The following CGAS variants were observed in gnomAD, a reference collection of about 807,000 sequenced individuals.
CGAS encodes cyclic GMP-AMP synthase, also known as 2'3'-cGAMP synthase.
Under a neutral mutation model 34.0 loss-of-function variants are expected in CGAS, and 31 were observed. That is an observed-to-expected ratio of 0.91 (90% confidence interval 0.69 to 1.23). The LOEUF (loss-of-function observed/expected upper bound fraction) is 1.23. Ranked by LOEUF, CGAS falls within the 50% of genes most tolerant of loss-of-function variation. The pLI is 0.00. For missense variants in CGAS, 597 were observed against 657.6 expected, an observed-to-expected ratio of 0.91 and a Z score of 1.01; for synonymous variants, 266 against 260.0, an observed-to-expected ratio of 1.02 and a Z score of -0.22.
chr6:73,449,510 A>ACACACACAC (rs1562295259), intron 1 of CGAS, among the ~76,000 whole-genome samples: 2 of 43,812 alleles, frequency 4.6e-5, no homozygotes, highest in African/African-American at 1.3e-4. Flanking sequence ...CACACACACA[A>ACACACACAC]AGTGGTTCTG....
chr6:73,452,113 G>T lies in CGAS; in HGVS notation c.69C>A (p.Ser23=), dbSNP rs367698486. The change falls in exon 1 of 5, where the codon TCC becomes TCA. Residue 23 remains serine (S), a synonymous_variant. Coordinates refer to ENST00000370315, the MANE Select transcript of CGAS (RefSeq NM_138441.3). The part of the protein sequence containing the change: ...SEAGATAPKA[S]ARNARGAPMD... ...TCGGGGCGCCCCTGGCATTCCGTGC[G>T]GAAGCCTTGGGGGCAGTGGCTCCGG... is the stretch of plus-strand genomic sequence containing the variant. The T allele has an allele frequency of 6.2e-7, 1 of 1,600,922 alleles. No individual in the cohort carries two copies. Among genetic ancestry groups the T allele is most frequent in the Non-Finnish European group, 8.5e-7 (1 of 1,174,388 alleles).
chr6:73,430,111 A>C (rs1770169537), intron 3 of CGAS, among the ~76,000 whole-genome samples: 1 of 152,110 alleles, frequency 6.6e-6, no homozygotes, highest in African/African-American at 2.4e-5. Context: ...ATTCCATAAA[A>C]GGTAGATTTT....
intron 4 of CGAS, among the ~76,000 whole-genome samples, chr6:73,426,629 C>T (rs1429932359): frequency 4.0e-5 from 6 of 151,188 alleles, no homozygotes; most frequent in Non-Finnish European, 5.9e-5. Context: ...CCCCCTCAAG[C>T]GATCCAAAAT....
At chr6:73,426,311 T>TAATAA (rs1486904126) in intron 4 of CGAS, among the ~76,000 whole-genome samples, 3 of 142,746 alleles carry the variant, frequency 2.1e-5, no homozygotes, top group Non-Finnish European at 3.1e-5. Context: ...TAAAATAAAA[T>TAATAA]AATAAAATAA....
chr6:73,438,022 T>C (rs892306442), intron 3 of CGAS, among the ~76,000 whole-genome samples: 9 of 152,114 alleles, frequency 5.9e-5, no homozygotes, highest in African/African-American at 1.9e-4. Flanking sequence ...TGAGCCAAGA[T>C]TGCACCACTG....
chr6:73,425,700 G>A (rs748280229), intron 4 of CGAS, 122 bp from the exon 5 acceptor site: 12 of 648,234 alleles, frequency 1.9e-5, no homozygotes, highest in East Asian at 8.9e-5. Flanking sequence ...TAGGCCGGGC[G>A]TGGTGACACA....
chr6:73,437,745 G>T (rs1770301955), intron 3 of CGAS, among the ~76,000 whole-genome samples: 1 of 151,964 alleles, frequency 6.6e-6, no homozygotes, highest in Non-Finnish European at 1.5e-5. Flanking sequence ...TTTGCAACAG[G>T]TAAATTTTTA....
At position 73,425,045 on chromosome 6, in the gene CGAS, A is replaced by C. The variant is rs761132492; in HGVS notation, c.*182T>G. 2.4e-6 allele frequency: 1 copy of C among 423,788 alleles called. No individual in the cohort carries two copies. The highest frequency in any genetic ancestry group is 4.2e-6 in the Non-Finnish European group (1 of 239,720). The allele number at this position is 423,788 out of a possible 1,614,324, so 26.3% of individuals were successfully genotyped here. A position where few individuals can be genotyped will look rare whatever the true frequency, so the allele number is the denominator to read the frequency against. On this transcript the variant is annotated 3_prime_UTR_variant, in exon 5 of 5. Coordinates refer to ENST00000370315, the MANE Select transcript of CGAS (RefSeq NM_138441.3). ...ATTTTTATATTTTTAGTAGAGATGG[A>C]GTTTCACCATGTTGGTCAGGCTGGT...
At chr6:73,426,663 TAC>T (rs1770094521) in intron 4 of CGAS, among the ~76,000 whole-genome samples, 1 of 151,944 alleles carries the variant, frequency 6.6e-6, no homozygotes, top group African/African-American at 2.4e-5. Flanking sequence ...AAAATTATTT[TAC>T]TTTATTGAAC....
At chr6:73,451,393 G>A in intron 1 of CGAS, 132 bp downstream of exon 1, 1 of 1,044,214 alleles carries the variant, frequency 9.6e-7, no homozygotes, top group Non-Finnish European at 1.4e-6. Flanking sequence ...CTTAGACTAG[G>A]CTACCGAAAA....
At chr6:73,425,639 G>A in intron 4 of CGAS, 61 bp from the exon 5 acceptor site, 1 of 1,134,046 alleles carries the variant, frequency 8.8e-7, no homozygotes, top group Non-Finnish European at 1.3e-6. Flanking sequence ...AAGGATTTTA[G>A]GCATCTCATA....
In CGAS at chr6:73,452,223, G is replaced by T; in HGVS notation, c.-42C>A. On this transcript the variant is annotated 5_prime_UTR_variant, in exon 1 of 5. Coordinates refer to ENST00000370315, the MANE Select transcript of CGAS (RefSeq NM_138441.3). ...TCCCCGAAAGAAGAATCCGTTTCAG[G>T]AAAAGGCCGCAAGAGGAAGAGCCAG... 1 of 1,555,322 alleles carries T rather than the reference G, an allele frequency of 6.4e-7. No individual in the cohort carries two copies.
At position 73,434,574 on chromosome 6, in the gene CGAS, A is replaced by C. The variant is rs183296830; in HGVS notation, c.1114+5635T>G. Among the ~76,000 whole-genome samples, 17 of 152,322 alleles carry C rather than the reference A, an allele frequency of 1.1e-4. No homozygotes were observed. In the East Asian group the frequency reaches 3.3e-3, roughly 29 times the overall value. ...TAGCTTAAGGAGACATGACAACTAAATGCAATATGGTATCCTAAATGGGAT... is the reference window on the plus strand; with the variant it reads ...TAGCTTAAGGAGACATGACAACTAACTGCAATATGGTATCCTAAATGGGAT... On this transcript the variant is annotated intron_variant, in intron 3 of 4. Coordinates refer to ENST00000370315, the MANE Select transcript of CGAS (RefSeq NM_138441.3).
chr6:73,443,839 G>A (rs1770424421), intron 2 of CGAS, among the ~76,000 whole-genome samples: 1 of 152,106 alleles, frequency 6.6e-6, no homozygotes, highest in African/African-American at 2.4e-5. Context: ...TGGGGTGGTG[G>A]AGCCAAGCCC....
chr6:73,439,957 T>A, intron 3 of CGAS: 1 of 410,978 alleles, frequency 2.4e-6, no homozygotes, highest in Non-Finnish European at 4.4e-6. Flanking sequence ...ATACTGCTTT[T>A]CTTTACCGAA....
intron 3 of CGAS, among the ~76,000 whole-genome samples, chr6:73,430,955 A>C (rs1387197752): frequency 6.6e-6 from 1 of 152,008 alleles, no homozygotes; most frequent in African/African-American, 2.4e-5. Context: ...TACAAAAATT[A>C]GCCAGGCATT....
chr6:73,443,335 G>A (rs1339905619), intron 2 of CGAS, among the ~76,000 whole-genome samples: 3 of 150,794 alleles, frequency 2.0e-5, no homozygotes, highest in Non-Finnish European at 2.9e-5. Context: ...CGCCTTCTGG[G>A]TTCAAGAAAT....
intron 3 of CGAS, among the ~76,000 whole-genome samples, chr6:73,433,910 T>C (rs958617929): frequency 2.0e-5 from 3 of 152,222 alleles, no homozygotes; most frequent in Non-Finnish European, 4.4e-5. Context: ...CCCAAATTTA[T>C]CTATAGATTC....
chr6:73,434,133 G>T (rs1177945377), intron 3 of CGAS, among the ~76,000 whole-genome samples: 1 of 152,202 alleles, frequency 6.6e-6, no homozygotes, highest in Non-Finnish European at 1.5e-5. Context: ...ATTTTAATGG[G>T]ACAGAATAAA....
Sources: gnomAD v4.1 joint callset for allele counts (sites outside exome capture counted in the v4.1 genomes callset) on GRCh38, gnomAD v4.1.1 for gene constraint, MANE v1.5 for transcripts, NCBI Gene and HGNC (gene_info 2026-07-23, HGNC 2026-07-21) for gene names.